Variants in AGMO observed in about 807,000 individuals in gnomAD.
The protein encoded by AGMO is alkylglycerol monooxygenase, also known as glyceryl-ether monooxygenase.
A neutral mutation model predicts 60.2 loss-of-function variants in AGMO; 75 were observed. The observed-to-expected ratio is 1.25, with a 90% CI of 1.03 to 1.51. The LOEUF is 1.51. Ranked by LOEUF, AGMO falls within the 40% of genes most tolerant of loss-of-function variation. The pLI is 0.00. For synonymous variants in AGMO, 261 were observed against 177.1 expected, an observed-to-expected ratio of 1.47 and a Z score of -3.76; for missense variants, 763 against 525.5, an observed-to-expected ratio of 1.45 and a Z score of -4.42.
chr7:15,329,063 C>A (rs909405176), intron 12 of AGMO, among the ~76,000 whole-genome samples: 1 of 152,108 alleles, frequency 6.6e-6, no homozygotes, highest in Non-Finnish European at 1.5e-5. Flanking sequence ...TCCCCTGCAC[C>A]TCAAAAGTGC....
chr7:15,529,151 A>G (rs1249526248), intron 3 of AGMO, among the ~76,000 whole-genome samples: 1 of 152,088 alleles, frequency 6.6e-6, no homozygotes, highest in Non-Finnish European at 1.5e-5. Flanking sequence ...TAGATAATAT[A>G]ATCGATTTAT....
chr7:15,140,747 T>TG, the AGMO span, among the ~76,000 whole-genome samples: 524 of 152,336 alleles, frequency 3.4e-3, 2 homozygotes, highest in African/African-American at 0.01. Context: ...TTCAAATTTT[T>TG]GGATTTTTTT....
chr7:15,144,329 C>G, the AGMO span, among the ~76,000 whole-genome samples: 1 of 152,072 alleles, frequency 6.6e-6, no homozygotes, highest in Admixed American at 6.5e-5. Context: ...TTGATTTATA[C>G]AGAACAATGA....
chr7:15,189,486 TC>T, the AGMO span, among the ~76,000 whole-genome samples: 347 of 152,286 alleles, frequency 2.3e-3, 2 homozygotes, highest in African/African-American at 7.9e-3. Flanking sequence ...AGAACTGGTA[TC>T]TTTTAACTGA....
At chr7:15,245,676 A>AT (rs1466031062) in intron 12 of AGMO, among the ~76,000 whole-genome samples, 1 of 152,210 alleles carries the variant, frequency 6.6e-6, no homozygotes, top group African/African-American at 2.4e-5. Context: ...CGCTACTAAA[A>AT]AGGAGAAAAT....
chr7:15,552,162 A>T (rs1399967803), intron 2 of AGMO, among the ~76,000 whole-genome samples: 2 of 152,188 alleles, frequency 1.3e-5, no homozygotes, highest in African/African-American at 4.8e-5. Flanking sequence ...CCTATACAAA[A>T]ATCAATTCAA....
At chr7:15,393,426 T>C (rs950806730) in intron 6 of AGMO, among the ~76,000 whole-genome samples, 4 of 152,248 alleles carry the variant, frequency 2.6e-5, no homozygotes, top group African/African-American at 7.2e-5. Flanking sequence ...ATTTTCATTG[T>C]TATATCCTTC....
At chr7:15,273,843 T>C (rs1212039879) in intron 12 of AGMO, among the ~76,000 whole-genome samples, 1 of 152,214 alleles carries the variant, frequency 6.6e-6, no homozygotes. Flanking sequence ...TTCACATCCC[T>C]TGTAAGTTGG....
chr7:15,441,850 G>A (rs4484578), intron 3 of AGMO, among the ~76,000 whole-genome samples: 54,662 of 152,028 alleles, frequency 0.36, 11,151 homozygotes, highest in Non-Finnish European at 0.48. Context: ...GAAATCACTA[G>A]GTAGAAAGTA....
intron 12 of AGMO, among the ~76,000 whole-genome samples, chr7:15,244,767 T>C (rs193030335): frequency 2.2e-3 from 338 of 152,210 alleles, no homozygotes; most frequent in African/African-American, 7.7e-3. Flanking sequence ...TTCTCCTGCC[T>C]CAGCCTCCCG....
chr7:15,391,010 CAG>C, intron 6 of AGMO, 105 bp from the exon 7 acceptor site: 2 of 706,406 alleles, frequency 2.8e-6, no homozygotes, highest in South Asian at 2.0e-5. Flanking sequence ...CAGATTTAAA[CAG>C]GGTACAATTT....
At chr7:15,280,038 C>T (rs1256409546) in intron 12 of AGMO, among the ~76,000 whole-genome samples, 1 of 152,152 alleles carries the variant, frequency 6.6e-6, no homozygotes. Flanking sequence ...GTGATATAAT[C>T]TCAATTGAGG....
intron 12 of AGMO, among the ~76,000 whole-genome samples, chr7:15,290,129 C>T (rs545074131): frequency 6.6e-6 from 1 of 151,098 alleles, no homozygotes; most frequent in East Asian, 2.0e-4. Flanking sequence ...TCCCTGGTTC[C>T]AGTGATTCTC....
At position 15,519,389 on chromosome 7, in the gene AGMO, G is replaced by A. The variant is rs7805850; in HGVS notation, c.409+25383C>T. Among the ~76,000 whole-genome samples, 536 of 152,136 alleles carry A rather than the reference G, an allele frequency of 3.5e-3. 3 individuals carry two copies. The highest frequency in any genetic ancestry group is 0.013 in the African/African-American group (519 of 41,518). ...CCAAGGTTGAAATGAAGGAAAAAAT[G>A]TTAAGGACAGCCAGAGAATAAGGTC... is the stretch of plus-strand genomic sequence containing the variant. On this transcript the variant is annotated intron_variant, in intron 3 of 12. Coordinates refer to ENST00000342526, the MANE Select transcript of AGMO (RefSeq NM_001004320.2).
chr7:15,363,483 A>T (rs929811290), intron 12 of AGMO, among the ~76,000 whole-genome samples: 3 of 152,212 alleles, frequency 2.0e-5, no homozygotes, highest in Non-Finnish European at 4.4e-5. Context: ...CGAGCAAAGC[A>T]AGACCAAGAA....
chr7:15,261,587 G>C (rs1783272091), intron 12 of AGMO, among the ~76,000 whole-genome samples: 1 of 151,800 alleles, frequency 6.6e-6, no homozygotes, highest in Non-Finnish European at 1.5e-5. Flanking sequence ...CAAATAATTG[G>C]TACCAATCCT....
chr7:15,276,079 A>G (rs1283457687), intron 12 of AGMO, among the ~76,000 whole-genome samples: 1 of 152,098 alleles, frequency 6.6e-6, no homozygotes, highest in Non-Finnish European at 1.5e-5. Flanking sequence ...GTTGTTAGCT[A>G]GTTGTCTTAG....
At chr7:15,481,266 C>A (rs552777886) in intron 3 of AGMO, among the ~76,000 whole-genome samples, 1 of 151,910 alleles carries the variant, frequency 6.6e-6, no homozygotes, top group Non-Finnish European at 1.5e-5. Flanking sequence ...TAATAATGGG[C>A]AGGTCTGGAA....
Position 15,390,881 on chromosome 7 carries a change from T to C in AGMO, c.701A>G (p.Lys234Arg), listed in dbSNP as rs143439626. 2.5e-4 allele frequency: 401 copies of C among 1,603,940 alleles called. No homozygotes were observed. The highest frequency in any genetic ancestry group is 1.6e-3 in the African/African-American group (117 of 74,792). ...AATAATAAGAACACCAGCATAATTT[T>C]TGTCTATGCAATAACGATTTCTGCC... ...HHGRNRYCIDKNYAGVLIIWD... is the reference protein window; with the variant it reads ...HHGRNRYCIDRNYAGVLIIWD... The change falls in exon 7 of 13, where the codon AAA becomes AGA. Residue 234 changes from lysine to arginine, a missense_variant. Lys to Arg is a conservative substitution (Grantham distance 26). Transcript: ENST00000342526.
Sources: gnomAD v4.1 joint callset for allele counts (sites outside exome capture counted in the v4.1 genomes callset) on GRCh38, gnomAD v4.1.1 for gene constraint, MANE v1.5 for transcripts, NCBI Gene and HGNC (gene_info 2026-07-23, HGNC 2026-07-21) for gene names.